The following AZI2 variants were observed in gnomAD, a reference collection of about 807,000 sequenced individuals.
AZI2 encodes the protein 5-azacytidine-induced protein 2.
Under a neutral mutation model 45.8 loss-of-function variants are expected in AZI2, and 22 were observed. The ratio of observed to expected loss-of-function variants is 0.48; its 90% confidence interval spans 0.34 to 0.69. The LOEUF is 0.69. Among genes scored for constraint, AZI2 ranks in the 30% least tolerant of loss-of-function variants. The pLI is 0.01. For missense variants in AZI2, 417 were observed against 441.5 expected (o/e 0.94, Z 0.50); for synonymous variants, 137 against 156.7 (o/e 0.87, Z 0.94).
chr3:28,321,310 A>C lies in AZI2; in HGVS notation c.*2732T>G, dbSNP rs1164927215. The C allele has an allele frequency of 2.0e-5, 3 of 151,422 alleles. No homozygotes were observed. Among genetic ancestry groups the C allele is most frequent in the African/African-American group, 7.3e-5 (3 of 41,360 alleles). The allele number at this position is 151,422 out of a possible 1,614,324, so 9.4% of individuals were successfully genotyped here. Reference sequence around the variant, plus strand: ...ATGAAAATGGAAGAGTTACTTTAAGAAGCTAGTGAAATATACAATCTATTT... The same window carrying C: ...ATGAAAATGGAAGAGTTACTTTAAGCAGCTAGTGAAATATACAATCTATTT... On this transcript the variant is annotated 3_prime_UTR_variant, in exon 8 of 8. Coordinates refer to ENST00000479665, the MANE Select transcript of AZI2 (RefSeq NM_022461.5).
chr3:28,329,084 A>G (rs186952570), intron 6 of AZI2, among the ~76,000 whole-genome samples: 149 of 151,420 alleles, frequency 9.8e-4, no homozygotes, highest in Non-Finnish European at 1.7e-3. Flanking sequence ...AGTTGTCTAT[A>G]AAGAACTTAT....
rs926256583 is a variant in AZI2, at chr3:28,331,895, A to C, written c.647+474T>G. The C allele has an allele frequency of 3.9e-6, 6 of 1,548,400 alleles. No individual in the cohort carries two copies. The African/African-American group carries it at 8.2e-5, about 21-fold the overall frequency. On this transcript the variant is annotated intron_variant, in intron 6 of 7. Coordinates refer to ENST00000479665, the MANE Select transcript of AZI2 (RefSeq NM_022461.5). ...TTATGCGAAGAGGGAACAGTCCTCAAAATTCATGCTATCCCATGATTGCGC... is the reference window on the plus strand; with the variant it reads ...TTATGCGAAGAGGGAACAGTCCTCACAATTCATGCTATCCCATGATTGCGC...
intron 5 of AZI2, among the ~76,000 whole-genome samples, chr3:28,335,767 T>C (rs1430398703): frequency 1.3e-5 from 2 of 152,004 alleles, no homozygotes; most frequent in African/African-American, 2.4e-5. Flanking sequence ...TCAGGAAGTA[T>C]GGGATGGAGT....
intron 2 of AZI2, among the ~76,000 whole-genome samples, chr3:28,339,480 AAT>A (rs3068916): frequency 0.21 from 32,563 of 152,042 alleles, 4,136 homozygotes; most frequent in Non-Finnish European, 0.29. Context: ...ACTGTATGCC[AAT>A]ATGTTACAAA....
intron 7 of AZI2, among the ~76,000 whole-genome samples, chr3:28,326,080 C>A (rs1349918745): frequency 7.9e-5 from 12 of 151,000 alleles, no homozygotes; most frequent in African/African-American, 2.7e-4. Flanking sequence ...AGTCCTATCT[C>A]ATTTTTAAAA....
intron 5 of AZI2, among the ~76,000 whole-genome samples, chr3:28,335,514 C>T (rs578104032): frequency 7.9e-5 from 12 of 151,950 alleles, no homozygotes; most frequent in Middle Eastern, 3.4e-3. Context: ...TTGACTCTAA[C>T]GGGAGTTGAC....
At position 28,338,631 on chromosome 3, in the gene AZI2, T is replaced by C. The variant is rs779964512; in HGVS notation, c.217-16A>G. The C allele has an allele frequency of 6.9e-6, 11 of 1,603,378 alleles. No homozygotes were observed. Among genetic ancestry groups the C allele is most frequent in the Admixed American group, 5.0e-5 (3 of 59,602 alleles). Reference sequence around the variant, plus strand: ...GAGCTATTAGCTAACGGTATGAAATTAGAAGAGAAAGCTTAAGAGAGTATT... The same window carrying C: ...GAGCTATTAGCTAACGGTATGAAATCAGAAGAGAAAGCTTAAGAGAGTATT... On this transcript the variant is annotated splice_polypyrimidine_tract_variant and intron_variant, in intron 2 of 7. Transcript: ENST00000479665.
intron 4 of AZI2, 41 bp from the exon 5 acceptor site, chr3:28,336,926 C>G (rs370956851): frequency 7.6e-6 from 12 of 1,586,350 alleles, no homozygotes; most frequent in Non-Finnish European, 1.0e-5. Context: ...TCTTTTCCTT[C>G]TACATTGACT....
At chr3:28,333,107 C>G (rs1703650961) in intron 5 of AZI2, among the ~76,000 whole-genome samples, 1 of 151,756 alleles carries the variant, frequency 6.6e-6, no homozygotes, top group African/African-American at 2.4e-5. Context: ...AAATGATTAT[C>G]ACAGGTACTA....
chr3:28,344,483 G>A (rs1490145804), intron 1 of AZI2, among the ~76,000 whole-genome samples: 1 of 151,998 alleles, frequency 6.6e-6, no homozygotes, highest in Non-Finnish European at 1.5e-5. Flanking sequence ...TGCTACGCAA[G>A]CATCCTTTAT....
At position 28,321,154 on chromosome 3, in the gene AZI2, G is replaced by A. The variant is rs1703174537; in HGVS notation, c.*2888C>T. On this transcript the variant is annotated 3_prime_UTR_variant, in exon 8 of 8. Transcript: ENST00000479665. ...CAAAAGGAGGGAGATTACTAGAGCA[G>A]ACAAAAGCAAAGCAAATATAGAAAT... The A allele has an allele frequency of 1.3e-5, 2 of 151,344 alleles. No individual in the cohort carries two copies. The highest frequency in any genetic ancestry group is 6.6e-5 in the Admixed American group (1 of 15,120). The allele number at this position is 151,344 out of a possible 1,614,324, so 9.4% of individuals were successfully genotyped here.
intron 5 of AZI2, 33 bp from the exon 6 acceptor site, chr3:28,332,460 G>A: frequency 6.4e-7 from 1 of 1,567,772 alleles, no homozygotes; most frequent in African/African-American, 1.4e-5. Flanking sequence ...AAGTTTAAAA[G>A]TTGTAATTTT....
chr3:28,328,663 G>A (rs1263330503), intron 6 of AZI2, among the ~76,000 whole-genome samples: 3 of 151,100 alleles, frequency 2.0e-5, no homozygotes, highest in Non-Finnish European at 4.5e-5. Context: ...TAATACACAT[G>A]TAGTCTTGTT....
intron 3 of AZI2, among the ~76,000 whole-genome samples, 187 bp downstream of exon 3, chr3:28,338,306 C>G (rs1447182910): frequency 1.3e-5 from 2 of 151,066 alleles, no homozygotes; most frequent in African/African-American, 4.9e-5. Flanking sequence ...TCCTAAACAT[C>G]ATTACATACT....
At chr3:28,334,274 T>TG (rs1359460780) in intron 5 of AZI2, among the ~76,000 whole-genome samples, 6 of 151,868 alleles carry the variant, frequency 4.0e-5, no homozygotes, top group African/African-American at 1.4e-4. Context: ...TAGACTAATG[T>TG]GAGCTAGAGT....
rs1370030425 is a variant in AZI2, at chr3:28,322,378, T to C, written c.*1664A>G. 1 of 151,424 alleles carries C rather than the reference T, an allele frequency of 6.6e-6. No individual in the cohort carries two copies. 9.4% of individuals were successfully genotyped at this position (151,424 alleles called of 1,614,324 possible). On this transcript the variant is annotated 3_prime_UTR_variant, in exon 8 of 8. Coordinates refer to ENST00000479665, the MANE Select transcript of AZI2 (RefSeq NM_022461.5). ...CTTCAATTTCAAACAAAAATATTTA[T>C]TTTAATTAAACAATTTCTTGGTATT...
rs1300666596 is a variant in AZI2 at position 28,323,842 on chromosome 3, T to C, written c.*200A>G. 4.3e-6 allele frequency: 2 copies of C among 466,658 alleles called. No individual in the cohort carries two copies. The highest frequency in any genetic ancestry group is 7.6e-6 in the Non-Finnish European group (2 of 263,734). 28.9% of individuals were successfully genotyped at this position (466,658 alleles called of 1,614,324 possible). A position where few individuals can be genotyped will look rare whatever the true frequency, so the allele number is the denominator to read the frequency against. On this transcript the variant is annotated 3_prime_UTR_variant, in exon 8 of 8. Transcript: ENST00000479665. ...TAGCATATTTCAGATTCTTAGAATA[T>C]GGAGCTAGAGGGTGCTCTTTCATAC...
chr3:28,345,695 T>C (rs950287019), intron 1 of AZI2, among the ~76,000 whole-genome samples: 1 of 152,092 alleles, frequency 6.6e-6, no homozygotes, highest in African/African-American at 2.4e-5. Flanking sequence ...TCAAACATTA[T>C]TTATTAGAAT....
At chr3:28,345,968 T>C (rs548283665) in intron 1 of AZI2, among the ~76,000 whole-genome samples, 1 of 152,266 alleles carries the variant, frequency 6.6e-6, no homozygotes, top group African/African-American at 2.4e-5. Context: ...TGCTTTCACA[T>C]GCATTTTTCT....
Sources: allele counts gnomAD v4.1 joint callset (sites outside exome capture counted in the v4.1 genomes callset), GRCh38; gene constraint gnomAD v4.1.1; transcripts MANE v1.5; gene names NCBI Gene and HGNC (gene_info 2026-07-23, HGNC 2026-07-21).